The following FAM161A variants were observed in gnomAD, a reference collection of about 807,000 sequenced individuals.
The protein encoded by FAM161A is protein FAM161A.
A neutral mutation model predicts 70.9 loss-of-function variants in FAM161A; 57 were observed. The observed-to-expected ratio is 0.80, with a 90% CI of 0.65 to 1.00. The LOEUF (loss-of-function observed/expected upper bound fraction) is 1.00. FAM161A is among the 50% of genes least tolerant of loss of function. The pLI, the probability that FAM161A is intolerant of heterozygous loss-of-function variation, is 0.00. For missense variants in FAM161A, 880 were observed against 836.0 expected, an observed-to-expected ratio of 1.05 and a Z score of -0.65; for synonymous variants, 299 against 295.7, an observed-to-expected ratio of 1.01 and a Z score of -0.12.
the FAM161A span, among the ~76,000 whole-genome samples, chr2:61,808,382 G>C: frequency 6.6e-6 from 1 of 151,322 alleles, no homozygotes; most frequent in African/African-American, 2.4e-5. Flanking sequence ...AAGCAATTCC[G>C]CTGCATCTGC....
the FAM161A span, among the ~76,000 whole-genome samples, chr2:61,805,324 T>A: frequency 1.3e-5 from 2 of 152,154 alleles, no homozygotes; most frequent in African/African-American, 4.8e-5. Flanking sequence ...GAGACGAGCC[T>A]GGCCAACATG....
At chr2:61,812,904 C>T in the FAM161A span, among the ~76,000 whole-genome samples, 1 of 151,584 alleles carries the variant, frequency 6.6e-6, no homozygotes, top group Non-Finnish European at 1.5e-5. Context: ...CCCATCTCTA[C>T]TAAAAATACA....
chr2:61,818,491 G>T, the FAM161A span, among the ~76,000 whole-genome samples: 1 of 152,186 alleles, frequency 6.6e-6, no homozygotes, highest in East Asian at 1.9e-4. Context: ...GTAAGAAAGT[G>T]CACAAAGACT....
In FAM161A at chr2:61,826,406, CCTGACG is replaced by C. The variant is rs765320485; in HGVS notation, c.*43_*48del. The C allele has an allele frequency of 6.3e-7, 1 of 1,598,050 alleles. No homozygotes were observed. Among genetic ancestry groups the C allele is most frequent in the East Asian group, 2.2e-5 (1 of 44,706 alleles). On this transcript the variant is annotated 3_prime_UTR_variant, in exon 7 of 7. Coordinates refer to ENST00000404929, the MANE Select transcript of FAM161A (RefSeq NM_001201543.2). ...TAAACACAAATGCGGCTGCTGACACCCTGACGCTGCAAACAACAGCAAGGGCATAGA... is the reference window on the plus strand; with the variant it reads ...TAAACACAAATGCGGCTGCTGACACCCTGCAAACAACAGCAAGGGCATAGA...
the FAM161A span, among the ~76,000 whole-genome samples, chr2:61,814,193 G>T: frequency 6.6e-6 from 1 of 152,106 alleles, no homozygotes; most frequent in Non-Finnish European, 1.5e-5. Flanking sequence ...CCTCAGAAAT[G>T]GATTGGAATT....
chr2:61,802,644 C>G, the FAM161A span, among the ~76,000 whole-genome samples: 1 of 152,126 alleles, frequency 6.6e-6, no homozygotes, highest in Admixed American at 6.6e-5. Context: ...ATTATGGAAG[C>G]TATTTTCTTT....
intron 1 of FAM161A, among the ~76,000 whole-genome samples, chr2:61,851,942 T>C (rs1673512328): frequency 6.6e-6 from 1 of 152,178 alleles, no homozygotes; most frequent in South Asian, 2.1e-4. Context: ...TACTACATTT[T>C]ATAGATAATA....
chr2:61,818,492 C>T, the FAM161A span, among the ~76,000 whole-genome samples: 1 of 152,242 alleles, frequency 6.6e-6, no homozygotes, highest in South Asian at 2.1e-4. Flanking sequence ...TAAGAAAGTG[C>T]ACAAAGACTG....
chr2:61,846,288 T>C (rs1673213344), intron 1 of FAM161A, among the ~76,000 whole-genome samples: 1 of 151,902 alleles, frequency 6.6e-6, no homozygotes, highest in South Asian at 2.1e-4. Context: ...TAAAGCAGTT[T>C]TGGGAAGTAA....
chr2:61,851,761 G>A (rs1321221264), intron 1 of FAM161A, among the ~76,000 whole-genome samples: 2 of 134,934 alleles, frequency 1.5e-5, no homozygotes, highest in African/African-American at 5.4e-5. Context: ...GGGTGCGTGT[G>A]TATGCCAGAG....
the FAM161A span, among the ~76,000 whole-genome samples, chr2:61,819,825 A>T: frequency 6.6e-6 from 1 of 152,192 alleles, no homozygotes; most frequent in Non-Finnish European, 1.5e-5. Context: ...TTATTTTCAT[A>T]ATGAAGTATA....
At chr2:61,817,216 G>A in the FAM161A span, among the ~76,000 whole-genome samples, 1 of 152,104 alleles carries the variant, frequency 6.6e-6, no homozygotes, top group East Asian at 1.9e-4. Context: ...TGCCCTGTGA[G>A]TCGCTTCACA....
chr2:61,838,550 A>T lies in FAM161A; in HGVS notation c.1739T>A (p.Val580Glu). The T allele has an allele frequency of 1.2e-6, 2 of 1,603,936 alleles. No individual in the cohort carries two copies. The highest frequency in any genetic ancestry group is 1.7e-6 in the Non-Finnish European group (2 of 1,174,476). ...TTTTTCATGATACCTGAGACATTTT[A>T]CTCTGGATTTAGATATTTGAGCTAA... ...QSLAQISKSR[V>E]KCLRKSEKER... Residue 580 changes from valine (V) to glutamate (E), a missense_variant, in exon 4 of 7, where the codon GTA becomes GAA. Coordinates refer to ENST00000404929, the MANE Select transcript of FAM161A (RefSeq NM_001201543.2).
At chr2:61,813,453 C>T in the FAM161A span, among the ~76,000 whole-genome samples, 1 of 145,566 alleles carries the variant, frequency 6.9e-6, no homozygotes, top group Admixed American at 7.3e-5. Flanking sequence ...GATGCTGAGG[C>T]AGAATAATTG....
intron 5 of FAM161A, 50 bp downstream of exon 5, chr2:61,835,958 TAA>T (rs11299120): frequency 0.029 from 30,091 of 1,042,714 alleles, 10 homozygotes; most frequent in East Asian, 0.05. Flanking sequence ...GCTAAAGCTG[TAA>T]AAAAAAAAAA....
chr2:61,821,134 C>T (rs1188080727), downstream of FAM161A, among the ~76,000 whole-genome samples: 9 of 151,644 alleles, frequency 5.9e-5, no homozygotes, highest in Non-Finnish European at 1.3e-4. Context: ...CTCACTGCAA[C>T]CTCGGCCTCC....
At chr2:61,845,429 A>G (rs1244005519) in intron 1 of FAM161A, among the ~76,000 whole-genome samples, 1 of 152,228 alleles carries the variant, frequency 6.6e-6, no homozygotes, top group Non-Finnish European at 1.5e-5. Flanking sequence ...ACCAGTGACC[A>G]GGAGCCAGTG....
At position 61,842,298 on chromosome 2, in the gene FAM161A, A is replaced by C; in HGVS notation, c.246T>G (p.Phe82Leu). The C allele has an allele frequency of 6.2e-7, 1 of 1,608,618 alleles. No individual in the cohort carries two copies. The highest frequency in any genetic ancestry group is 2.2e-5 in the East Asian group (1 of 44,686). ...DEHAPISYED[F>L]VNFPDIHHSN... is the part of the protein sequence containing the mutation. ...AGTGGTGAATATCAGGAAAGTTCAC[A>C]AAGTCCTCATAGCTTATCGGTGCAT... Residue 82 changes from phenylalanine to leucine, a missense_variant, in exon 2 of 7, where the codon TTT (phenylalanine) becomes TTG (leucine). By Grantham distance (22) the Phe-to-Leu change is conservative (BLOSUM62 0). Transcript: ENST00000404929.
chr2:61,852,760 T>C (rs11125898), intron 1 of FAM161A, among the ~76,000 whole-genome samples: 33,897 of 151,992 alleles, frequency 0.22, 3,944 homozygotes, highest in Middle Eastern at 0.26. Context: ...ACAAAAGGTG[T>C]TGCTAAAGAT....
Sources: gnomAD v4.1 joint callset for allele counts (sites outside exome capture counted in the v4.1 genomes callset) on GRCh38, gnomAD v4.1.1 for gene constraint, MANE v1.5 for transcripts, NCBI Gene and HGNC (gene_info 2026-07-23, HGNC 2026-07-21) for gene names.